Variants in RHOBTB1 observed in about 807,000 individuals in gnomAD.
The protein encoded by RHOBTB1 is rho-related BTB domain-containing protein 1.
RHOBTB1 carries 40 observed loss-of-function variants against 71.6 expected under a neutral mutation model. That is an observed-to-expected ratio of 0.56 (90% CI 0.43 to 0.73). The LOEUF (loss-of-function observed/expected upper bound fraction) is 0.73. RHOBTB1 is among the 30% of genes least tolerant of loss of function. The pLI is 0.00. For missense variants in RHOBTB1, 797 were observed against 894.0 expected (o/e 0.89, Z 1.38); for synonymous variants, 319 against 334.9 (o/e 0.95, Z 0.52).
intron 2 of RHOBTB1, among the ~76,000 whole-genome samples, chr10:60,938,833 A>T (rs961484399): frequency 4.0e-5 from 6 of 151,894 alleles, no homozygotes; most frequent in South Asian, 2.1e-4. Context: ...TCTGAGTTCC[A>T]TTTCTTGCCT....
At chr10:60,919,893 T>G (rs2083463266) in intron 2 of RHOBTB1, among the ~76,000 whole-genome samples, 1 of 152,210 alleles carries the variant, frequency 6.6e-6, no homozygotes, top group African/African-American at 2.4e-5. Flanking sequence ...GTGCTGTTCT[T>G]AATAAACATT....
chr10:60,882,713 C>T (rs1323906092), intron 7 of RHOBTB1, among the ~76,000 whole-genome samples: 2 of 152,078 alleles, frequency 1.3e-5, no homozygotes, highest in Admixed American at 6.6e-5. Flanking sequence ...CAAGTGTGAA[C>T]ATGGACCTAT....
chr10:60,943,337 G>A (rs899940605), intron 1 of RHOBTB1, among the ~76,000 whole-genome samples: 4 of 152,292 alleles, frequency 2.6e-5, no homozygotes, highest in Admixed American at 2.6e-4. Context: ...TTTTCGGGGG[G>A]CAGAGGGCTG....
chr10:60,887,688 G>A (rs2081655032), intron 6 of RHOBTB1, among the ~76,000 whole-genome samples: 1 of 152,202 alleles, frequency 6.6e-6, no homozygotes, highest in South Asian at 2.1e-4. Flanking sequence ...GGAAGATGGA[G>A]GGCCACCAAA....
chr10:60,891,641 C>T (rs1298271982), intron 5 of RHOBTB1, among the ~76,000 whole-genome samples: 1 of 151,918 alleles, frequency 6.6e-6, no homozygotes, highest in African/African-American at 2.4e-5. Flanking sequence ...AGCCACTGTG[C>T]CCAGCCTAGA....
intron 2 of RHOBTB1, among the ~76,000 whole-genome samples, chr10:60,952,356 T>C (rs914656452): frequency 1.3e-5 from 2 of 152,136 alleles, no homozygotes; most frequent in African/African-American, 4.8e-5. Flanking sequence ...AACACCAAGA[T>C]CACCACCTGT....
At chr10:60,968,237 G>A (rs2086038042) in intron 2 of RHOBTB1, among the ~76,000 whole-genome samples, 1 of 152,126 alleles carries the variant, frequency 6.6e-6, no homozygotes, top group Non-Finnish European at 1.5e-5. Context: ...CCCAGAGAAT[G>A]TCATTTAAAA....
intron 4 of RHOBTB1, among the ~76,000 whole-genome samples, chr10:60,906,269 T>C (rs2082671366): frequency 6.6e-6 from 1 of 152,228 alleles, no homozygotes; most frequent in Non-Finnish European, 1.5e-5. Context: ...TCATTTTTAC[T>C]GAAAGCAAAA....
intron 2 of RHOBTB1, among the ~76,000 whole-genome samples, chr10:60,918,494 G>A: frequency 6.6e-6 from 1 of 152,154 alleles, no homozygotes; most frequent in East Asian, 1.9e-4. Flanking sequence ...GGGCACTGTG[G>A]CTGATGTACT....
At chr10:60,988,257 C>G (rs1414858087) in intron 1 of RHOBTB1, among the ~76,000 whole-genome samples, 1 of 152,076 alleles carries the variant, frequency 6.6e-6, no homozygotes, top group Non-Finnish European at 1.5e-5. Context: ...TTTTAACACA[C>G]AGTTATATTT....
In RHOBTB1 at chr10:60,936,514, C is replaced by T. The variant is rs532245716; in HGVS notation, c.-11+5290G>A. Among the ~76,000 whole-genome samples, 4 of 152,350 alleles carry T rather than the reference C, an allele frequency of 2.6e-5. No homozygotes were observed. The South Asian group carries it at 8.3e-4, about 32-fold the overall frequency. On this transcript the variant is annotated intron_variant, in intron 2 of 10. Coordinates refer to ENST00000337910, the MANE Select transcript of RHOBTB1 (RefSeq NM_014836.5). ...CTACATCCCTCCTATATTTAAGATT[C>T]CATGACTCTATTATGATTTAAGAAA...
At chr10:60,970,937 A>G (rs1172940853) in intron 2 of RHOBTB1, among the ~76,000 whole-genome samples, 2 of 152,084 alleles carry the variant, frequency 1.3e-5, no homozygotes, top group African/African-American at 4.8e-5. Flanking sequence ...CCCAGAATAT[A>G]TGCATAACTC....
chr10:60,989,090 C>T (rs1002783397), intron 1 of RHOBTB1, among the ~76,000 whole-genome samples: 4 of 152,180 alleles, frequency 2.6e-5, no homozygotes, highest in African/African-American at 7.2e-5. Flanking sequence ...AGGCTCTGAA[C>T]ACTGGGTTAA....
At chr10:60,934,953 G>C (rs979678858) in intron 2 of RHOBTB1, among the ~76,000 whole-genome samples, 4 of 152,156 alleles carry the variant, frequency 2.6e-5, no homozygotes, top group Admixed American at 2.6e-4. Flanking sequence ...GAGAGGAGGG[G>C]AAGATATAGA....
chr10:60,934,506 G>C (rs1306386934), intron 2 of RHOBTB1, among the ~76,000 whole-genome samples: 1 of 152,218 alleles, frequency 6.6e-6, no homozygotes, highest in Non-Finnish European at 1.5e-5. Flanking sequence ...CAAGACATGA[G>C]ACTTTGAGAG....
At chr10:60,944,196 A>T (rs1312089915), upstream of RHOBTB1, 1 of 151,742 alleles carries the variant, frequency 6.6e-6, no homozygotes, top group East Asian at 2.0e-4. Flanking sequence ...CCCGGGCGAG[A>T]GGGGCTCGCC....
At chr10:60,928,406 C>G (rs929058044) in intron 2 of RHOBTB1, among the ~76,000 whole-genome samples, 8 of 151,754 alleles carry the variant, frequency 5.3e-5, no homozygotes, top group African/African-American at 1.7e-4. Context: ...TTACAATAAC[C>G]AAGATATGGA....
At chr10:60,868,240 A>C (rs1181914152), downstream of RHOBTB1, among the ~76,000 whole-genome samples, 1 of 152,096 alleles carries the variant, frequency 6.6e-6, no homozygotes, top group African/African-American at 2.4e-5. Flanking sequence ...TCTAACATCC[A>C]ACTAGGAGAT....
At chr10:60,908,752 A>G (rs527415023) in intron 4 of RHOBTB1, among the ~76,000 whole-genome samples, 1 of 152,318 alleles carries the variant, frequency 6.6e-6, no homozygotes, top group South Asian at 2.1e-4. Flanking sequence ...AAGAGAGAGG[A>G]GCTCTGGTTT....
Sources: gnomAD v4.1 joint callset for allele counts (sites outside exome capture counted in the v4.1 genomes callset) on GRCh38, gnomAD v4.1.1 for gene constraint, MANE v1.5 for transcripts, NCBI Gene and HGNC (gene_info 2026-07-23, HGNC 2026-07-21) for gene names.